Variants in SLC36A1 observed in about 807,000 individuals in gnomAD.
SLC36A1 encodes proton-coupled amino acid transporter 1.
A neutral mutation model predicts 47.5 loss-of-function variants in SLC36A1; 30 were observed. The observed-to-expected ratio is 0.63, with a 90% CI of 0.47 to 0.86. The LOEUF (loss-of-function observed/expected upper bound fraction) is 0.86. Ranked by LOEUF, SLC36A1 falls within the 40% of genes least tolerant of loss-of-function variation. The probability of loss-of-function intolerance (pLI) is 0.00; values close to 1 mark genes in which losing one functional copy is unlikely to be tolerated. For missense variants in SLC36A1, 517 were observed against 606.0 expected, an observed-to-expected ratio of 0.85 and a Z score of 1.54; for synonymous variants, 255 against 249.7, an observed-to-expected ratio of 1.02 and a Z score of -0.20.
At chr5:151,517,678 G>A in the SLC36A1 span, 2 of 1,614,202 alleles carry the variant, frequency 1.2e-6, no homozygotes, top group South Asian at 1.1e-5. Flanking sequence ...TGGCTGGAGT[G>A]TTTTCAGATA....
At chr5:151,546,226 T>C in the SLC36A1 span, 2 of 1,614,172 alleles carry the variant, frequency 1.2e-6, no homozygotes, top group Non-Finnish European at 1.7e-6. Flanking sequence ...GGAGCCTTGA[T>C]CTTCTGCCTT....
At chr5:151,498,293 G>A in the SLC36A1 span, among the ~76,000 whole-genome samples, 1 of 152,168 alleles carries the variant, frequency 6.6e-6, no homozygotes, top group Non-Finnish European at 1.5e-5. Flanking sequence ...AAAGGAAAGT[G>A]TGTCAATATG....
the SLC36A1 span, among the ~76,000 whole-genome samples, chr5:151,555,433 C>T: frequency 1.7e-4 from 25 of 147,598 alleles, no homozygotes; most frequent in Admixed American, 1.2e-3. Context: ...TTCAGTGGCA[C>T]GATCTCAGCT....
the SLC36A1 span, chr5:151,406,665 C>T: frequency 2.0e-5 from 3 of 152,244 alleles, no homozygotes; most frequent in East Asian, 3.9e-4. Flanking sequence ...TAGCAGAGCT[C>T]CACATGGGCT....
the SLC36A1 span, among the ~76,000 whole-genome samples, chr5:151,403,504 C>T: frequency 6.6e-6 from 1 of 152,168 alleles, no homozygotes; most frequent in Non-Finnish European, 1.5e-5. Flanking sequence ...TGTGCTCTTT[C>T]CGTGTGACCT....
the SLC36A1 span, chr5:151,527,097 T>A: frequency 1.2e-6 from 1 of 832,042 alleles, no homozygotes; most frequent in East Asian, 2.5e-5. Flanking sequence ...CCTCCAGCAG[T>A]CTGTGTTGCC....
At chr5:151,418,279 G>C in the SLC36A1 span, among the ~76,000 whole-genome samples, 1 of 152,226 alleles carries the variant, frequency 6.6e-6, no homozygotes, top group Non-Finnish European at 1.5e-5. Flanking sequence ...GTCTAATGGA[G>C]CTGTGAGAAG....
chr5:151,380,516 G>A, the SLC36A1 span: 4 of 504,358 alleles, frequency 7.9e-6, no homozygotes, highest in South Asian at 4.5e-5. Context: ...GCGGCAGTTC[G>A]TGTGTTGGAA....
At chr5:151,531,441 G>A in the SLC36A1 span, 3 of 1,165,508 alleles carry the variant, frequency 2.6e-6, no homozygotes, top group Admixed American at 5.5e-5. The surrounding 1 kb of genome is among the most constrained non-coding windows in gnomAD (Gnocchi z 5.7). Flanking sequence ...GGTACTCGGA[G>A]AGAAGCAGAA....
chr5:151,392,907 G>A, the SLC36A1 span, among the ~76,000 whole-genome samples: 1 of 152,158 alleles, frequency 6.6e-6, no homozygotes, highest in African/African-American at 2.4e-5. Context: ...TTCTGTAGAT[G>A]TCTATTAGGT....
the SLC36A1 span, among the ~76,000 whole-genome samples, chr5:151,415,766 T>C: frequency 0.047 from 7,094 of 151,966 alleles, 527 homozygotes; most frequent in African/African-American, 0.16. Context: ...AATTAAGGAG[T>C]GAATGAGGCC....
At chr5:151,554,734 T>TGCC in the SLC36A1 span, 30 of 1,296,936 alleles carry the variant, frequency 2.3e-5, no homozygotes, top group African/African-American at 3.8e-4. Context: ...GACTATGCTT[T>TGCC]AACAACCTGG....
chr5:151,477,004 C>A, intron 9 of SLC36A1: 1 of 629,580 alleles, frequency 1.6e-6, no homozygotes, highest in Admixed American at 2.1e-5. Context: ...CCTTGGAATT[C>A]CTAAGCTCAG....
chr5:151,348,967 A>G, the SLC36A1 span, among the ~76,000 whole-genome samples: 1 of 152,208 alleles, frequency 6.6e-6, no homozygotes, highest in East Asian at 1.9e-4. Flanking sequence ...CAACTGAAAC[A>G]CTTGCTGTGA....
At chr5:151,443,322 C>T (rs144566533), upstream of SLC36A1, among the ~76,000 whole-genome samples, 80 of 152,236 alleles carry the variant, frequency 5.3e-4, no homozygotes, top group African/African-American at 1.9e-3. Context: ...ACATCCTCAC[C>T]AATATTTGTT....
chr5:151,409,055 G>A, the SLC36A1 span, among the ~76,000 whole-genome samples: 1 of 149,056 alleles, frequency 6.7e-6, no homozygotes, highest in Non-Finnish European at 1.5e-5. Flanking sequence ...CTGGAGTGCA[G>A]TGGTGTGATC....
At chr5:151,546,358 A>G in the SLC36A1 span, 1 of 1,591,926 alleles carries the variant, frequency 6.3e-7, no homozygotes, top group Admixed American at 1.7e-5. Flanking sequence ...AGACAAGACA[A>G]ACAAGTTTGC....
At chr5:151,506,161 T>C in the SLC36A1 span, 2 of 1,477,020 alleles carry the variant, frequency 1.4e-6, no homozygotes, top group Admixed American at 4.8e-5. Flanking sequence ...GCTGGCTCTA[T>C]AGCAACTATA....
At chr5:151,462,957 C>A (rs1003357933) in intron 2 of SLC36A1, among the ~76,000 whole-genome samples, 1 of 151,718 alleles carries the variant, frequency 6.6e-6, no homozygotes, top group Non-Finnish European at 1.5e-5. Context: ...CTCACTGCAA[C>A]CTCTGCCTCC....
Sources: allele counts gnomAD v4.1 joint callset (sites outside exome capture counted in the v4.1 genomes callset), GRCh38; gene constraint gnomAD v4.1.1; non-coding constraint Gnocchi (gnomAD v3.1); transcripts MANE v1.5; gene names NCBI Gene and HGNC (gene_info 2026-07-23, HGNC 2026-07-21).